The following SCN1A variants were observed in gnomAD, a reference collection of about 807,000 sequenced individuals.
SCN1A encodes sodium channel protein type 1 subunit alpha.
A neutral mutation model predicts 193.7 loss-of-function variants in SCN1A; 13 were observed. The observed-to-expected ratio is 0.07, with a 90% CI of 0.04 to 0.11. The LOEUF is 0.11. Ranked by LOEUF, SCN1A falls within the 10% of genes least tolerant of loss-of-function variation. SCN1A has a pLI of 1.00. For synonymous variants in SCN1A, 781 were observed against 843.6 expected, an observed-to-expected ratio of 0.93 and a Z score of 1.29; for missense variants, 1,432 against 2,451.1, an observed-to-expected ratio of 0.58 and a Z score of 8.78.
intron 13 of SCN1A, among the ~76,000 whole-genome samples, chr2:166,044,313 C>T (rs1697537033): frequency 1.3e-5 from 2 of 152,102 alleles, no homozygotes; most frequent in Non-Finnish European, 2.9e-5. Context: ...CACACATACA[C>T]ACACACCCTG....
At chr2:166,021,570 C>G (rs1253393353) in intron 19 of SCN1A, among the ~76,000 whole-genome samples, 1 of 151,786 alleles carries the variant, frequency 6.6e-6, no homozygotes, top group Non-Finnish European at 1.5e-5. Flanking sequence ...TAAAAGTCAC[C>G]CAGACCTTCT....
chr2:166,085,573 G>C (rs1193747863), intron 2 of SCN1A, among the ~76,000 whole-genome samples: 4 of 152,128 alleles, frequency 2.6e-5, no homozygotes, highest in African/African-American at 9.7e-5. Flanking sequence ...TAGAACCCAC[G>C]GGCAGCGGGG....
At chr2:166,081,724 T>C (rs1336596623) in intron 2 of SCN1A, 2 of 151,924 alleles carry the variant, frequency 1.3e-5, no homozygotes, top group Non-Finnish European at 2.9e-5. Flanking sequence ...TTAAATTCTA[T>C]GTTGTTTTTA....
upstream of SCN1A, among the ~76,000 whole-genome samples, chr2:166,129,577 G>A (rs1574633591): frequency 1.3e-5 from 2 of 152,222 alleles, no homozygotes; most frequent in East Asian, 3.9e-4. Context: ...GTAGAGTCAG[G>A]GCAAAGTTGA....
chr2:166,052,806 C>G, intron 8 of SCN1A, 46 bp downstream of exon 8: 1 of 1,433,140 alleles, frequency 7.0e-7, no homozygotes, highest in Non-Finnish European at 9.8e-7. Context: ...GAGAAGGATG[C>G]TGAATCACAT....
chr2:165,986,942 C>T lies in SCN1A; in HGVS notation c.*4303G>A, dbSNP rs777423553. 3.3e-5 allele frequency: 5 copies of T among 152,010 alleles called. No individual in the cohort carries two copies. The highest frequency in any genetic ancestry group is 5.9e-5 in the Non-Finnish European group (4 of 67,968). 9.4% of individuals were successfully genotyped at this position (152,010 alleles called of 1,614,324 possible). A position where few individuals can be genotyped will look rare whatever the true frequency, so the allele number is the denominator to read the frequency against. The stretch of plus-strand genomic sequence containing the variant: ...GTCTTAACAAAATTAGGAAAATTAA[C>T]ACTATTATAATACTAATAACTAATA... On this transcript the variant is annotated 3_prime_UTR_variant, in exon 29 of 29. Transcript: ENST00000674923.
rs1170665581 is a variant in SCN1A, at chr2:166,052,874, C to T, written c.672G>A (p.Leu224=). The part of the protein sequence containing the change: ...ALRTFRVLRA[L]KTISVIPGLK... ...CACCTGGAATGACTGAAATCGTCTT[C>T]AATGCTCGGAGAACTCTGAATGTTC... Residue 224 remains leucine, a synonymous_variant, in exon 8 of 29, where the codon TTG becomes TTA. Transcript: ENST00000674923. The T allele has an allele frequency of 6.2e-7, 1 of 1,612,284 alleles. No individual in the cohort carries two copies. The highest frequency in any genetic ancestry group is 8.5e-7 in the Non-Finnish European group (1 of 1,179,026).
intron 2 of SCN1A, among the ~76,000 whole-genome samples, chr2:166,113,960 C>T (rs900861400): frequency 1.3e-5 from 2 of 152,202 alleles, no homozygotes; most frequent in African/African-American, 4.8e-5. Context: ...ATCCTTGGAT[C>T]TCATGGAGAA....
intron 21 of SCN1A, among the ~76,000 whole-genome samples, chr2:166,013,026 A>C (rs1276414272): frequency 1.3e-5 from 2 of 151,312 alleles, no homozygotes; most frequent in Non-Finnish European, 3.0e-5. Context: ...CTTGCATTTC[A>C]ATCAGGCAAA....
chr2:166,097,822 C>CT (rs1687564083), intron 2 of SCN1A, among the ~76,000 whole-genome samples: 1 of 152,188 alleles, frequency 6.6e-6, no homozygotes. Context: ...TTCAAGCAAT[C>CT]CTTCCACCTT....
chr2:165,997,388 CAA>C (rs2105471500), intron 26 of SCN1A, among the ~76,000 whole-genome samples: 1 of 151,198 alleles, frequency 6.6e-6, no homozygotes, highest in East Asian at 2.0e-4. Context: ...GAACAGAAAA[CAA>C]AATGTGAATG....
intron 15 of SCN1A, among the ~76,000 whole-genome samples, chr2:166,042,030 C>A (rs1036149127): frequency 6.6e-6 from 1 of 152,076 alleles, no homozygotes; most frequent in Non-Finnish European, 1.5e-5. Context: ...GATTAGAAAC[C>A]CCTAACAGAA....
At chr2:166,010,549 T>C (rs760581994) in intron 22 of SCN1A, among the ~76,000 whole-genome samples, 54 of 151,240 alleles carry the variant, frequency 3.6e-4, no homozygotes, top group Non-Finnish European at 6.2e-4. Flanking sequence ...CATTTGTAGG[T>C]AATATACATG....
chr2:166,115,538 G>A (rs1231963222), intron 2 of SCN1A, among the ~76,000 whole-genome samples: 1 of 152,128 alleles, frequency 6.6e-6, no homozygotes, highest in East Asian at 1.9e-4. Flanking sequence ...AATACTCATA[G>A]TATATATGAG....
At chr2:166,103,997 T>C (rs147566015) in intron 2 of SCN1A, among the ~76,000 whole-genome samples, 2,495 of 152,328 alleles carry the variant, frequency 0.016, 43 homozygotes, top group Middle Eastern at 0.041. Context: ...CCTGGAAATG[T>C]ATCTCTGTTC....
At chr2:166,044,894 A>G in intron 13 of SCN1A, 149 bp downstream of exon 13, 1 of 835,186 alleles carries the variant, frequency 1.2e-6, no homozygotes, top group South Asian at 1.6e-5. Flanking sequence ...AAGTTTTTGC[A>G]TAACTATGTG....
intron 4 of SCN1A, among the ~76,000 whole-genome samples, chr2:166,068,060 T>G (rs912326179): frequency 1.3e-5 from 2 of 152,214 alleles, no homozygotes; most frequent in African/African-American, 4.8e-5. Flanking sequence ...TGGCTATTTC[T>G]GCCATCTTGT....
At chr2:166,025,450 C>T (rs189753903) in intron 19 of SCN1A, among the ~76,000 whole-genome samples, 1 of 152,184 alleles carries the variant, frequency 6.6e-6, no homozygotes, top group Non-Finnish European at 1.5e-5. Flanking sequence ...TTTTCAGCTT[C>T]CTCTATGTGA....
chr2:166,099,390 C>A (rs1284075402), intron 2 of SCN1A, among the ~76,000 whole-genome samples: 7 of 150,962 alleles, frequency 4.6e-5, no homozygotes, highest in East Asian at 2.0e-4. Context: ...CTATGACAAA[C>A]CCACAGCCAA....
Sources: allele counts gnomAD v4.1 joint callset (sites outside exome capture counted in the v4.1 genomes callset), GRCh38; gene constraint gnomAD v4.1.1; transcripts MANE v1.5; gene names NCBI Gene and HGNC (gene_info 2026-07-23, HGNC 2026-07-21).